DTNA: variants seen among roughly 807,000 people sequenced by gnomAD.
The protein encoded by DTNA is dystrophin-related protein 3.
Under a neutral mutation model 100.7 loss-of-function variants are expected in DTNA, and 43 were observed. The ratio of observed to expected loss-of-function variants is 0.43; its 90% confidence interval spans 0.33 to 0.55. DTNA has a LOEUF of 0.55. DTNA is among the 20% of genes least tolerant of loss of function. The pLI, the probability that DTNA is intolerant of heterozygous loss-of-function variation, is 0.04. For synonymous variants in DTNA, 349 were observed against 347.9 expected (o/e 1.00, Z -0.04); for missense variants, 798 against 953.9 (o/e 0.84, Z 2.15).
At chr18:34,554,171 T>G (rs1412304813) in intron 1 of DTNA, among the ~76,000 whole-genome samples, 1 of 131,602 alleles carries the variant, frequency 7.6e-6, no homozygotes, top group Non-Finnish European at 1.6e-5. Flanking sequence ...ATGATTTGGC[T>G]CTCTGTCTGT....
intron 1 of DTNA, among the ~76,000 whole-genome samples, chr18:34,701,630 A>G (rs1359733156): frequency 2.6e-5 from 4 of 152,028 alleles, no homozygotes; most frequent in African/African-American, 4.8e-5. Context: ...CTCAAATTCA[A>G]AACTGTTCCT....
chr18:34,838,734 C>T lies in DTNA; in HGVS notation c.1254-11C>T. ...TAACAACACGCTTTCTTTCCCCCTG[C>T]CCTGTTTCAGGATACAGTACAGCCT... On this transcript the variant is annotated splice_polypyrimidine_tract_variant and intron_variant, in intron 12 of 22. Transcript: ENST00000444659. 1.2e-6 allele frequency: 2 copies of T among 1,610,766 alleles called. No homozygotes were observed. Among genetic ancestry groups the T allele is most frequent in the South Asian group, 2.2e-5 (2 of 91,026 alleles).
chr18:34,831,027 A>ACTGCC (rs2095996264), intron 11 of DTNA, among the ~76,000 whole-genome samples: 1 of 152,292 alleles, frequency 6.6e-6, no homozygotes, highest in African/African-American at 2.4e-5. Flanking sequence ...TCTCCCCTTC[A>ACTGCC]CTGCCCACAG....
chr18:34,539,511 AG>A, intron 1 of DTNA, among the ~76,000 whole-genome samples: 1 of 152,090 alleles, frequency 6.6e-6, no homozygotes, highest in East Asian at 1.9e-4. Flanking sequence ...AATCTAATAA[AG>A]TGTCAGGAAT....
chr18:34,629,718 C>T (rs1367253297), intron 1 of DTNA, among the ~76,000 whole-genome samples: 1 of 152,184 alleles, frequency 6.6e-6, no homozygotes, highest in Non-Finnish European at 1.5e-5. Flanking sequence ...AACTACAACC[C>T]AGCATATAAG....
chr18:34,495,690 T>C (rs1221775815), intron 1 of DTNA, among the ~76,000 whole-genome samples: 1 of 152,212 alleles, frequency 6.6e-6, no homozygotes, highest in Non-Finnish European at 1.5e-5. Flanking sequence ...GTCATGTCAT[T>C]TAGCCAATTG....
At chr18:34,720,999 T>C (rs2085190175) in intron 1 of DTNA, among the ~76,000 whole-genome samples, 1 of 152,178 alleles carries the variant, frequency 6.6e-6, no homozygotes, top group Non-Finnish European at 1.5e-5. Flanking sequence ...ATAACTAAAT[T>C]TGTATGGTGA....
chr18:34,820,961 G>A lies in DTNA; in HGVS notation c.1001+46G>A, dbSNP rs772324733. 1.9e-6 allele frequency: 3 copies of A among 1,613,548 alleles called. No individual in the cohort carries two copies. The East Asian group carries it at 6.7e-5, about 36-fold the overall frequency. On this transcript the variant is annotated intron_variant, in intron 9 of 22. Coordinates refer to ENST00000444659, the MANE Select transcript of DTNA (RefSeq NM_001386795.1). ...AGTATAGAGACAATTTTCTTCAAGG[G>A]CACATGTCTGGAGCCACACAAAAGC...
chr18:34,690,386 G>A (rs1302085264), intron 1 of DTNA, among the ~76,000 whole-genome samples: 1 of 152,192 alleles, frequency 6.6e-6, no homozygotes, highest in Non-Finnish European at 1.5e-5. Context: ...GGCTAGGGGA[G>A]GGAGTTCCCT....
At chr18:34,874,513 T>C (rs1346478890) in intron 17 of DTNA, among the ~76,000 whole-genome samples, 2 of 152,236 alleles carry the variant, frequency 1.3e-5, no homozygotes, top group East Asian at 3.8e-4. Context: ...TGTTTTCTAC[T>C]TTTTTCTTTA....
chr18:34,877,864 C>CT (rs2096833500), intron 19 of DTNA, 56 bp downstream of exon 19: 2 of 1,412,652 alleles, frequency 1.4e-6, no homozygotes, highest in Admixed American at 1.7e-5. Context: ...TCCATAAGTG[C>CT]TAGGGGTCTC....
At chr18:34,692,970 G>A (rs1265900253) in intron 1 of DTNA, among the ~76,000 whole-genome samples, 4 of 151,986 alleles carry the variant, frequency 2.6e-5, no homozygotes, top group Non-Finnish European at 5.9e-5. Context: ...GATACTATTA[G>A]CACTTCTTAA....
intron 17 of DTNA, chr18:34,866,370 G>C: frequency 2.1e-6 from 3 of 1,398,588 alleles, no homozygotes; most frequent in Non-Finnish European, 2.8e-6. Flanking sequence ...TTTTAGAAAA[G>C]GGAACGAATT....
chr18:34,664,706 A>C (rs1170553900), intron 1 of DTNA, among the ~76,000 whole-genome samples: 1 of 152,178 alleles, frequency 6.6e-6, no homozygotes, highest in Non-Finnish European at 1.5e-5. Flanking sequence ...ACCTATCAAT[A>C]GCTTTAGCTT....
chr18:34,604,847 G>A (rs1598939559), intron 1 of DTNA, among the ~76,000 whole-genome samples: 1 of 152,086 alleles, frequency 6.6e-6, no homozygotes, highest in African/African-American at 2.4e-5. Flanking sequence ...TACCCCAGTG[G>A]CCTCAAAGAC....
chr18:34,698,954 C>T (rs1443531699), intron 1 of DTNA, among the ~76,000 whole-genome samples: 1 of 150,892 alleles, frequency 6.6e-6, no homozygotes, highest in Non-Finnish European at 1.5e-5. Flanking sequence ...CATTGACACT[C>T]AATACTAATC....
At chr18:34,544,620 T>C (rs1195392479) in intron 1 of DTNA, among the ~76,000 whole-genome samples, 1 of 152,156 alleles carries the variant, frequency 6.6e-6, no homozygotes, top group African/African-American at 2.4e-5. Context: ...TACATCTGCA[T>C]TGAAGTTTTA....
Position 34,890,307 on chromosome 18 carries a change from T to C in DTNA, c.*2573T>C, listed in dbSNP as rs1012586491. 7 of 1,535,916 alleles carry C rather than the reference T, an allele frequency of 4.6e-6. No individual in the cohort carries two copies. The African/African-American group carries it at 9.6e-5, about 21-fold the overall frequency. On this transcript the variant is annotated 3_prime_UTR_variant, in exon 23 of 23. Coordinates refer to ENST00000444659, the MANE Select transcript of DTNA (RefSeq NM_001386795.1). ...ACCTTTTCTCTCTCTTAGCTCCACG[T>C]CAGCACTGAGACCAGACTCGAGCAC... is the stretch of plus-strand genomic sequence containing the variant.
At position 34,877,575 on chromosome 18, in the gene DTNA, G is replaced by A. The variant is rs561476617; in HGVS notation, c.1904-144G>A. The A allele has an allele frequency of 1.1e-3, 686 of 651,022 alleles. 3 individuals carry two copies. Among genetic ancestry groups the A allele is most frequent in the Non-Finnish European group, 1.5e-3 (580 of 379,878 alleles). The allele number at this position is 651,022 out of a possible 1,614,324, so 40.3% of individuals were successfully genotyped here. A position where few individuals can be genotyped will look rare whatever the true frequency, so the allele number is the denominator to read the frequency against. On this transcript the variant is annotated intron_variant, in intron 18 of 22. Coordinates refer to ENST00000444659, the MANE Select transcript of DTNA (RefSeq NM_001386795.1). Reference sequence around the variant, plus strand: ...GTTGTTGTTGTTGTTCTTGTTTCAGGAAATGAACTAAAGCACTTCTGAAAA... The same window carrying A: ...GTTGTTGTTGTTGTTCTTGTTTCAGAAAATGAACTAAAGCACTTCTGAAAA...
Sources: gnomAD v4.1 joint callset for allele counts (sites outside exome capture counted in the v4.1 genomes callset) on GRCh38, gnomAD v4.1.1 for gene constraint, MANE v1.5 for transcripts, NCBI Gene and HGNC (gene_info 2026-07-23, HGNC 2026-07-21) for gene names.